Variants in ULK2 observed in about 807,000 individuals in gnomAD.
ULK2 encodes the protein unc-51 like autophagy activating kinase 2.
A neutral mutation model predicts 127.5 loss-of-function variants in ULK2; 76 were observed. The ratio of observed to expected loss-of-function variants is 0.60; its 90% CI spans 0.50 to 0.72. The LOEUF (loss-of-function observed/expected upper bound fraction) is 0.72, where lower values mean the gene tolerates loss of function less well. Ranked by LOEUF, ULK2 falls within the 30% of genes least tolerant of loss-of-function variation. The pLI is 0.00. For missense variants in ULK2, 1,144 were observed against 1,295.9 expected, an observed-to-expected ratio of 0.88 and a Z score of 1.80; for synonymous variants, 452 against 461.9, an observed-to-expected ratio of 0.98 and a Z score of 0.28.
In ULK2 at chr17:19,781,386, C is replaced by T. The variant is rs920567363; in HGVS notation, c.2640-282G>A. Among the ~76,000 whole-genome samples, 25 of 151,678 alleles carry T rather than the reference C, an allele frequency of 1.6e-4. 1 individual carries two copies. The highest frequency in any genetic ancestry group is 5.8e-4 in the African/African-American group (24 of 41,236). On this transcript the variant is annotated intron_variant, in intron 23 of 26. Coordinates refer to ENST00000395544, the MANE Select transcript of ULK2 (RefSeq NM_014683.4). ...CCTCCCGAATATTAATAGTTGGGAC[C>T]ACAGGGACGCACCACCATGCCCGGC...
Position 19,781,768 on chromosome 17 carries a change from T to C in ULK2, c.2639+121A>G. On this transcript the variant is annotated intron_variant, in intron 23 of 26. Coordinates refer to ENST00000395544, the MANE Select transcript of ULK2 (RefSeq NM_014683.4). ...AGTGAAATGTAGTACAAAGAAATAA[T>C]TGAGACTCCTAGCTTTTAATAATGA... The C allele has an allele frequency of 6.1e-6, 7 of 1,151,312 alleles. No homozygotes were observed. In the South Asian group the frequency reaches 6.8e-5, roughly 11 times the overall value. The allele number at this position is 1,151,312 out of a possible 1,614,324, so 71.3% of individuals were successfully genotyped here. A position where few individuals can be genotyped will look rare whatever the true frequency, so the allele number is the denominator to read the frequency against.
At position 19,818,132 on chromosome 17, in the gene ULK2, C is replaced by A. The variant is rs112373580; in HGVS notation, c.925-1212G>T. On this transcript the variant is annotated intron_variant, in intron 12 of 26. Coordinates refer to ENST00000395544, the MANE Select transcript of ULK2 (RefSeq NM_014683.4). ...GGTCAGGAGATCGAGACCATCCTGG[C>A]TAACATGGTGAAACCCCGTCTCTAC... Among the ~76,000 whole-genome samples, 1,172 of 152,116 alleles carry A rather than the reference C, an allele frequency of 7.7e-3. 15 individuals carry two copies. Among genetic ancestry groups the A allele is most frequent in the African/African-American group, 0.026 (1,086 of 41,480 alleles).
rs1427202218 is a variant in ULK2 at position 19,857,744 on chromosome 17, A to G, written c.225+7059T>C. 2.0e-5 allele frequency among the ~76,000 whole-genome samples: 3 copies of G among 151,460 alleles called. No homozygotes were observed. In the East Asian group the frequency reaches 5.8e-4, roughly 30 times the overall value. ...ACGGTATCACTCTCCTGCTTTTAAA[A>G]CTCTTCAATAGCTTTGTACTGTCCT... On this transcript the variant is annotated intron_variant, in intron 3 of 26. Coordinates refer to ENST00000395544, the MANE Select transcript of ULK2 (RefSeq NM_014683.4).
At chr17:19,818,191 C>T (rs1292491856) in intron 12 of ULK2, among the ~76,000 whole-genome samples, 3 of 151,914 alleles carry the variant, frequency 2.0e-5, no homozygotes, top group East Asian at 1.9e-4. Context: ...GGCATGACGG[C>T]GGGCGCCTGT....
At position 19,822,425 on chromosome 17, in the gene ULK2, G is replaced by C. The variant is rs183596710; in HGVS notation, c.924+2669C>G. ...TACCTACGCTGGAGTGCAGTGGCAT[G>C]ATCTTGGCTCACTGCAGCCTCTGCC... is the stretch of plus-strand genomic sequence containing the variant. On this transcript the variant is annotated intron_variant, in intron 12 of 26. Coordinates refer to ENST00000395544, the MANE Select transcript of ULK2 (RefSeq NM_014683.4). 4.3e-3 allele frequency among the ~76,000 whole-genome samples: 652 copies of C among 150,890 alleles called. 4 individuals are homozygous for C. The highest frequency in any genetic ancestry group is 0.015 in the African/African-American group (626 of 41,118).
chr17:19,842,972 T>C (rs2041800276), intron 8 of ULK2, 149 bp downstream of exon 8: 2 of 709,800 alleles, frequency 2.8e-6, no homozygotes. Context: ...TCTGACTCAC[T>C]AAAGCAGTTT....
At chr17:19,808,854 A>G (rs1436731029) in intron 14 of ULK2, among the ~76,000 whole-genome samples, 1 of 152,220 alleles carries the variant, frequency 6.6e-6, no homozygotes, top group East Asian at 1.9e-4. Context: ...ACTGCTATGG[A>G]AAATTTAGCC....
intron 25 of ULK2, among the ~76,000 whole-genome samples, chr17:19,778,340 TCTAACCTATATTACGG>T: frequency 6.6e-6 from 1 of 152,302 alleles, no homozygotes; most frequent in East Asian, 1.9e-4. Flanking sequence ...AGGGGATGCC[TCTAACCTATATTACGG>T]AAGGAGAAGA....
At position 19,772,290 on chromosome 17, in the gene ULK2, T is replaced by C. The variant is rs2086746477; in HGVS notation, c.*4059A>G. The C allele has an allele frequency of 6.6e-6, 1 of 152,278 alleles. No homozygotes were observed. The allele number at this position is 152,278 out of a possible 1,614,324, so 9.4% of individuals were successfully genotyped here. The stretch of plus-strand genomic sequence containing the variant: ...TCAGCTTTCCCGTATGCAGTGTTTT[T>C]CTAGGTGGATTGTTTCTGATGTGGT... On this transcript the variant is annotated 3_prime_UTR_variant, in exon 27 of 27. Transcript: ENST00000395544.
chr17:19,864,243 G>A (rs1969391684), intron 3 of ULK2, among the ~76,000 whole-genome samples: 1 of 152,220 alleles, frequency 6.6e-6, no homozygotes, highest in Non-Finnish European at 1.5e-5. Context: ...CAAGGTGGGA[G>A]GATGACTTGA....
At chr17:19,816,597 G>T in intron 13 of ULK2, 152 bp downstream of exon 13, 2 of 663,262 alleles carry the variant, frequency 3.0e-6, no homozygotes, top group Non-Finnish European at 2.2e-6. Context: ...TTTTAAAAAG[G>T]TAGGAATATA....
intron 16 of ULK2, among the ~76,000 whole-genome samples, 167 bp from the exon 17 acceptor site, chr17:19,799,742 G>A (rs1009082243): frequency 7.2e-5 from 11 of 152,256 alleles, no homozygotes; most frequent in African/African-American, 1.9e-4. Context: ...CAACCAATCC[G>A]CTGGGTGCTG....
rs1488072325 is a variant in ULK2 at position 19,867,425 on chromosome 17, C to T, written c.-8G>A. On this transcript the variant is annotated 5_prime_UTR_variant, in exon 1 of 27. Transcript: ENST00000395544. ...GTCACCCACCACCTCCATGGCCGCG[C>T]CCCCGGGGCACACAGCGGACGGGCG... The T allele has an allele frequency of 1.3e-6, 2 of 1,586,364 alleles. No homozygotes were observed. Among genetic ancestry groups the T allele is most frequent in the Non-Finnish European group, 1.7e-6 (2 of 1,168,636 alleles).
intron 3 of ULK2, chr17:19,860,840 T>C: frequency 6.6e-6 from 1 of 152,130 alleles, no homozygotes; most frequent in East Asian, 1.9e-4. Context: ...TTCTTAAATT[T>C]GTTTTTATAA....
Position 19,799,523 on chromosome 17 carries a change from G to T in ULK2, c.1494C>A (p.Gly498=). The T allele has an allele frequency of 1.3e-6, 2 of 1,584,740 alleles. No homozygotes were observed. Among genetic ancestry groups the T allele is most frequent in the Non-Finnish European group, 1.7e-6 (2 of 1,171,266 alleles). ...FSQCCCGHPQ[G]HDSRSRNSSG... ...AGGAGTTTCTACTCCTGGAGTCATG[G>T]CCCTGAGGATGCCCACAGCAGCACT... is the stretch of plus-strand genomic sequence containing the variant. Residue 498 remains glycine, a synonymous_variant, in exon 17 of 27, where the codon GGC becomes GGA. Coordinates refer to ENST00000395544, the MANE Select transcript of ULK2 (RefSeq NM_014683.4).
Position 19,773,378 on chromosome 17 carries a change from A to G in ULK2, c.*2971T>C, listed in dbSNP as rs118943. On this transcript the variant is annotated 3_prime_UTR_variant, in exon 27 of 27. Coordinates refer to ENST00000395544, the MANE Select transcript of ULK2 (RefSeq NM_014683.4). Reference sequence around the variant, plus strand: ...ACTTATTACTGTGCAGACTGAGGCAATCCAGCCCTAAAAATCCTCTCCTCT... The same window carrying G: ...ACTTATTACTGTGCAGACTGAGGCAGTCCAGCCCTAAAAATCCTCTCCTCT... 146,260 of 152,250 alleles carry G rather than the reference A, an allele frequency of 0.96. 70,448 individuals carry two copies. Among genetic ancestry groups the G allele is most frequent in the African/African-American group, 0.99 (41,171 of 41,556 alleles). 9.4% of individuals were successfully genotyped at this position (152,250 alleles called of 1,614,324 possible). A position where few individuals can be genotyped will look rare whatever the true frequency, so the allele number is the denominator to read the frequency against.
At chr17:19,791,519 T>G (rs112422277) in intron 20 of ULK2, among the ~76,000 whole-genome samples, 4 of 152,076 alleles carry the variant, frequency 2.6e-5, no homozygotes, top group African/African-American at 9.7e-5. Context: ...ACCCCGTCTC[T>G]ACTAAAAATA....
chr17:19,825,716 G>A (rs1325337160), intron 11 of ULK2, among the ~76,000 whole-genome samples: 6 of 150,282 alleles, frequency 4.0e-5, no homozygotes, highest in Non-Finnish European at 8.9e-5. Flanking sequence ...GCTGGGTGTG[G>A]TGGCTCACAC....
At chr17:19,815,853 A>C (rs1469086060) in intron 13 of ULK2, among the ~76,000 whole-genome samples, 1 of 152,192 alleles carries the variant, frequency 6.6e-6, no homozygotes, top group Non-Finnish European at 1.5e-5. Context: ...CTAAAATAAT[A>C]ACAAAATTTA....
Sources: allele counts gnomAD v4.1 joint callset (sites outside exome capture counted in the v4.1 genomes callset), GRCh38; gene constraint gnomAD v4.1.1; transcripts MANE v1.5; gene names NCBI Gene and HGNC (gene_info 2026-07-23, HGNC 2026-07-21).